DLGAP4: variants seen among roughly 807,000 people sequenced by gnomAD.
DLGAP4 encodes DLG associated protein 4.
A neutral mutation model predicts 86.9 loss-of-function variants in DLGAP4; 18 were observed. That is an observed-to-expected ratio of 0.21 (90% confidence interval 0.14 to 0.31). The LOEUF is 0.31. DLGAP4 is among the 10% of genes least tolerant of loss of function. DLGAP4 has a pLI of 1.00. For missense variants in DLGAP4, 1,085 were observed against 1,362.6 expected (o/e 0.80, Z 3.21); for synonymous variants, 548 against 574.3 (o/e 0.95, Z 0.65).
chr20:36,431,804 C>T lies in DLGAP4; in HGVS notation c.87C>T (p.Arg29=), dbSNP rs1339804561. ...AGCCCCTGTTTGCAGGGACCGACCGCAACCCCTACCTGCTGTCGCCCACGG... is the reference window on the plus strand; with the variant it reads ...AGCCCCTGTTTGCAGGGACCGACCGTAACCCCTACCTGCTGTCGCCCACGG... ...PHEPLFAGTD[R]NPYLLSPTEA... is the part of the protein sequence containing the mutation. The change falls in exon 3 of 13, where the codon CGC becomes CGT. Residue 29 remains arginine (R), a synonymous_variant. Coordinates refer to ENST00000339266, the MANE Select transcript of DLGAP4 (RefSeq NM_001365621.2). This position sits in a 1 kb window ranked among gnomAD's most constrained non-coding sequence, Gnocchi z 5.1. 3 of 1,613,700 alleles carry T rather than the reference C, an allele frequency of 1.9e-6. No homozygotes were observed. Among genetic ancestry groups the T allele is most frequent in the Non-Finnish European group, 2.5e-6 (3 of 1,179,934 alleles).
chr20:36,482,753 C>T (rs2035244623), intron 7 of DLGAP4, among the ~76,000 whole-genome samples: 1 of 152,164 alleles, frequency 6.6e-6, no homozygotes, highest in Admixed American at 6.5e-5. Flanking sequence ...TTCACTACAA[C>T]CTCTGTCTCC....
chr20:36,458,463 G>T (rs1280648556), intron 7 of DLGAP4, among the ~76,000 whole-genome samples: 1 of 149,212 alleles, frequency 6.7e-6, no homozygotes, highest in Non-Finnish European at 1.5e-5. Flanking sequence ...CTGACCTCAG[G>T]TGATCCACCC....
intron 1 of DLGAP4, among the ~76,000 whole-genome samples, chr20:36,344,732 G>C (rs1297529232): frequency 1.3e-5 from 2 of 152,218 alleles, no homozygotes; most frequent in African/African-American, 4.8e-5. Flanking sequence ...CAGTGGACCT[G>C]GGCCTCGGCT....
intron 7 of DLGAP4, among the ~76,000 whole-genome samples, chr20:36,471,162 T>C (rs895174177): frequency 6.6e-6 from 1 of 152,214 alleles, no homozygotes; most frequent in Non-Finnish European, 1.5e-5. Context: ...TGCACCTGCT[T>C]AGCAACGGTG....
At chr20:36,337,119 G>A (rs556763185) in intron 1 of DLGAP4, among the ~76,000 whole-genome samples, 90 of 152,274 alleles carry the variant, frequency 5.9e-4, no homozygotes, top group Non-Finnish European at 1.2e-3. Context: ...CTCATTCTGC[G>A]CATCAGAAAC....
intron 2 of DLGAP4, among the ~76,000 whole-genome samples, chr20:36,369,065 G>A (rs1407615761): frequency 1.3e-5 from 2 of 152,216 alleles, no homozygotes; most frequent in Non-Finnish European, 2.9e-5. Flanking sequence ...GTGAGCAGCC[G>A]TCAGCATCGC....
At chr20:36,327,630 C>G (rs1480554961) in intron 1 of DLGAP4, among the ~76,000 whole-genome samples, 1 of 134,950 alleles carries the variant, frequency 7.4e-6, no homozygotes, top group African/African-American at 2.8e-5. Context: ...CTCGCTCTGT[C>G]GCCCAGGCTG....
intron 1 of DLGAP4, among the ~76,000 whole-genome samples, chr20:36,326,780 A>C (rs2065219177): frequency 6.6e-6 from 1 of 151,944 alleles, no homozygotes; most frequent in Non-Finnish European, 1.5e-5. Flanking sequence ...TTCAGCTTTA[A>C]TGTGTCTGAA....
intron 4 of DLGAP4, among the ~76,000 whole-genome samples, chr20:36,438,226 T>C (rs552689365): frequency 1.3e-5 from 2 of 152,130 alleles, no homozygotes; most frequent in East Asian, 3.9e-4. Context: ...GTATATAAAT[T>C]AGCAGATTGT....
In DLGAP4 at chr20:36,480,245, T is replaced by C. The variant is rs376894755; in HGVS notation, c.1649-16460T>C. 4.6e-5 allele frequency among the ~76,000 whole-genome samples: 7 copies of C among 152,192 alleles called. No individual in the cohort carries two copies. In the East Asian group the frequency reaches 7.7e-4, roughly 17 times the overall value. On this transcript the variant is annotated intron_variant, in intron 7 of 12. Transcript: ENST00000339266. Reference sequence around the variant, plus strand: ...CTATTCTGAGGATGGATTTATCATCTCAGATGGGAGCTCTTATGCAGCTAG... The same window carrying C: ...CTATTCTGAGGATGGATTTATCATCCCAGATGGGAGCTCTTATGCAGCTAG...
At chr20:36,439,979 C>A in intron 5 of DLGAP4, 111 bp downstream of exon 5, 1 of 893,682 alleles carries the variant, frequency 1.1e-6, no homozygotes, top group Non-Finnish European at 1.8e-6. Context: ...CAGATGTCTG[C>A]ACTGTGCTTC....
intron 2 of DLGAP4, among the ~76,000 whole-genome samples, chr20:36,402,264 A>G (rs1375994004): frequency 6.6e-6 from 1 of 152,222 alleles, no homozygotes; most frequent in Non-Finnish European, 1.5e-5. Context: ...TTTGGGGTTC[A>G]AAACTCATCT....
chr20:36,499,849 G>T (rs2036061146), intron 9 of DLGAP4, among the ~76,000 whole-genome samples, 173 bp downstream of exon 9: 1 of 152,098 alleles, frequency 6.6e-6, no homozygotes. Context: ...CGGGCGGGTG[G>T]ACAGATGAGC....
intron 2 of DLGAP4, among the ~76,000 whole-genome samples, chr20:36,406,465 A>G (rs1270232479): frequency 1.3e-5 from 2 of 150,778 alleles, no homozygotes; most frequent in African/African-American, 2.4e-5. Flanking sequence ...TCTGCCAGGC[A>G]CAGATGCTCT....
At chr20:36,519,342 AT>A (rs2037229846) in intron 10 of DLGAP4, among the ~76,000 whole-genome samples, 1 of 152,084 alleles carries the variant, frequency 6.6e-6, no homozygotes, top group Non-Finnish European at 1.5e-5. Context: ...TTTATTGTAT[AT>A]TTTATGGCCA....
chr20:36,444,730 T>C (rs1218836403), intron 6 of DLGAP4, among the ~76,000 whole-genome samples: 1 of 152,134 alleles, frequency 6.6e-6, no homozygotes, highest in Admixed American at 6.5e-5. Flanking sequence ...AACCTCCTCC[T>C]CCAGGGTTCA....
At chr20:36,332,896 C>T (rs1048444800) in intron 1 of DLGAP4, among the ~76,000 whole-genome samples, 3 of 152,108 alleles carry the variant, frequency 2.0e-5, no homozygotes, top group Non-Finnish European at 4.4e-5. Flanking sequence ...AGAACACTCT[C>T]GCCTGCCACC....
At chr20:36,476,705 G>GTTTTTTTT (rs35699904) in intron 7 of DLGAP4, among the ~76,000 whole-genome samples, 2 of 85,340 alleles carry the variant, frequency 2.3e-5, no homozygotes, top group Non-Finnish European at 4.7e-5. Flanking sequence ...TTTTTTTTTG[G>GTTTTTTTT]TTTTTTTTTT....
Position 36,345,855 on chromosome 20 carries a change from T to C in DLGAP4, c.-303-21190T>C, listed in dbSNP as rs1555892891. ...TCCCTGCCGCCTTGACCTCTCAGGC[T>C]CAAGTGATCCTCCCACCTCAGCCTC... On this transcript the variant is annotated intron_variant, in intron 1 of 12. Transcript: ENST00000339266. Among the ~76,000 whole-genome samples, 4 of 152,200 alleles carry C rather than the reference T, an allele frequency of 2.6e-5. No homozygotes were observed. The South Asian group carries it at 8.3e-4, about 32-fold the overall frequency.
Sources: gnomAD v4.1 joint callset for allele counts (sites outside exome capture counted in the v4.1 genomes callset) on GRCh38, gnomAD v4.1.1 for gene constraint, Gnocchi (gnomAD v3.1) non-coding constraint, MANE v1.5 for transcripts, NCBI Gene and HGNC (gene_info 2026-07-23, HGNC 2026-07-21) for gene names.